TMEM156: variants seen among roughly 807,000 people sequenced by gnomAD.
TMEM156 encodes transmembrane protein 156.
Under a neutral mutation model 30.5 loss-of-function variants are expected in TMEM156, and 28 were observed. The ratio of observed to expected loss-of-function variants is 0.92; its 90% confidence interval spans 0.68 to 1.26. The LOEUF (loss-of-function observed/expected upper bound fraction) is 1.26. Ranked by LOEUF, TMEM156 falls within the 50% of genes most tolerant of loss-of-function variation. TMEM156 has a pLI of 0.00. For missense variants in TMEM156, 351 were observed against 340.6 expected, an observed-to-expected ratio of 1.03 and a Z score of -0.24; for synonymous variants, 137 against 119.9, an observed-to-expected ratio of 1.14 and a Z score of -0.93.
intron 3 of TMEM156, among the ~76,000 whole-genome samples, chr4:38,990,080 C>A (rs1384117505): frequency 6.6e-6 from 1 of 152,232 alleles, no homozygotes; most frequent in Non-Finnish European, 1.5e-5. Context: ...CAGGCGTGAG[C>A]CACTGCACCT....
At chr4:38,984,349 CTGTG>C (rs34823853) in intron 5 of TMEM156, among the ~76,000 whole-genome samples, 27,538 of 130,674 alleles carry the variant, frequency 0.21, 2,939 homozygotes, top group African/African-American at 0.31. Context: ...CTCTCTCTCT[CTGTG>C]TGTGTGTGTG....
At chr4:39,009,695 C>A (rs932248530) in intron 1 of TMEM156, among the ~76,000 whole-genome samples, 16 of 152,086 alleles carry the variant, frequency 1.1e-4, no homozygotes, top group African/African-American at 3.6e-4. Flanking sequence ...TAAAATCCAA[C>A]ATTTTTTCAT....
At chr4:39,002,739 A>G (rs1324281399) in intron 1 of TMEM156, among the ~76,000 whole-genome samples, 1 of 150,326 alleles carries the variant, frequency 6.7e-6, no homozygotes, top group African/African-American at 2.4e-5. Context: ...TTGTAGGGAC[A>G]TGGATGAAAT....
chr4:39,004,632 C>T (rs1713602732), intron 1 of TMEM156, among the ~76,000 whole-genome samples: 1 of 152,016 alleles, frequency 6.6e-6, no homozygotes, highest in South Asian at 2.1e-4. Context: ...CATGTTGATA[C>T]ATAGAGCTGT....
intron 1 of TMEM156, among the ~76,000 whole-genome samples, chr4:39,004,119 T>C (rs1713569920): frequency 6.6e-6 from 1 of 152,204 alleles, no homozygotes; most frequent in Non-Finnish European, 1.5e-5. Context: ...CTCATCTCCA[T>C]AAGCAAGGAT....
chr4:38,984,349 CTGTGTGTG>C lies in TMEM156; in HGVS notation c.823+1979_823+1986del, dbSNP rs34823853. 1.8e-3 allele frequency among the ~76,000 whole-genome samples: 230 copies of C among 131,104 alleles called. 1 individual carries two copies. The highest frequency in any genetic ancestry group is 4.3e-3 in the African/African-American group (162 of 37,394). 86.0% of individuals were successfully genotyped at this position (131,104 alleles called of 152,430 possible). A position where few individuals can be genotyped will look rare whatever the true frequency, so the allele number is the denominator to read the frequency against. ...TTTCTCTCTGTCTCTCTCTCTCTCT[CTGTGTGTG>C]TGTGTGTGTGTGTGTGTGTGTGTGT... On this transcript the variant is annotated intron_variant, in intron 5 of 6. Transcript: ENST00000381938.
intron 5 of TMEM156, among the ~76,000 whole-genome samples, chr4:38,973,950 C>A (rs1722725805): frequency 6.6e-6 from 1 of 151,874 alleles, no homozygotes. Context: ...TTAGTATAAC[C>A]AACCATTTAT....
chr4:38,985,139 CTGAG>C (rs1222305370), intron 5 of TMEM156, among the ~76,000 whole-genome samples: 1 of 152,158 alleles, frequency 6.6e-6, no homozygotes, highest in Non-Finnish European at 1.5e-5. Flanking sequence ...GACACATGTA[CTGAG>C]TAAGAGGGGA....
At chr4:39,002,215 T>G (rs925369910) in intron 1 of TMEM156, among the ~76,000 whole-genome samples, 2 of 150,390 alleles carry the variant, frequency 1.3e-5, no homozygotes, top group Non-Finnish European at 1.5e-5. Context: ...CATCAAAAAG[T>G]GGGCGAAGGA....
chr4:38,979,301 T>G (rs557452167), intron 5 of TMEM156, among the ~76,000 whole-genome samples: 1 of 152,318 alleles, frequency 6.6e-6, no homozygotes, highest in East Asian at 1.9e-4. Flanking sequence ...GTCCTGGCCT[T>G]GCCCCACACG....
Position 38,998,794 on chromosome 4 carries a change from C to T in TMEM156, c.204G>A (p.Gln68=), listed in dbSNP as rs774370453. 4.3e-6 allele frequency: 7 copies of T among 1,613,844 alleles called. No individual in the cohort carries two copies. Among genetic ancestry groups the T allele is most frequent in the South Asian group, 1.1e-5 (1 of 91,076 alleles). ...VTFLQPVRET[Q]IIMRIFLNPS... is the part of the protein sequence containing the mutation. Reference sequence around the variant, plus strand: ...GATTTAGAAAGATTCTCATGATAATCTGAGTTTCCCTTACTGGTTGCAGAA... The same window carrying T: ...GATTTAGAAAGATTCTCATGATAATTTGAGTTTCCCTTACTGGTTGCAGAA... Residue 68 remains glutamine (Q), a synonymous_variant, in exon 2 of 7, where the codon CAG becomes CAA. Coordinates refer to ENST00000381938, the MANE Select transcript of TMEM156 (RefSeq NM_024943.3).
Position 39,013,464 on chromosome 4 carries a change from G to A in TMEM156, c.89-14555C>T, listed in dbSNP as rs543366784. 4.4e-5 allele frequency among the ~76,000 whole-genome samples: 6 copies of A among 135,734 alleles called. No homozygotes were observed. The South Asian group carries it at 1.3e-3, about 29-fold the overall frequency. The allele number at this position is 135,734 out of a possible 152,430, so 89.0% of individuals were successfully genotyped here. On this transcript the variant is annotated intron_variant, in intron 1 of 6. Coordinates refer to ENST00000381938, the MANE Select transcript of TMEM156 (RefSeq NM_024943.3). ...TCGCTAGGCTGGAGTGCAGTGGCAC[G>A]ATTTCGGCTCACTGCAACTCTGCCT... is the stretch of plus-strand genomic sequence containing the variant.
chr4:38,981,261 C>T (rs1711523770), intron 5 of TMEM156, among the ~76,000 whole-genome samples: 1 of 152,144 alleles, frequency 6.6e-6, no homozygotes, highest in East Asian at 1.9e-4. Context: ...TTTTACATTG[C>T]CATTAGTTTT....
At chr4:39,020,408 C>CT (rs1012852696) in intron 1 of TMEM156, among the ~76,000 whole-genome samples, 1 of 151,842 alleles carries the variant, frequency 6.6e-6, no homozygotes, top group Non-Finnish European at 1.5e-5. Context: ...GGTAGTTCTA[C>CT]TTTTTTTTAA....
chr4:39,006,177 T>C (rs947956433), intron 1 of TMEM156, among the ~76,000 whole-genome samples: 3 of 152,234 alleles, frequency 2.0e-5, no homozygotes, highest in Admixed American at 6.5e-5. Flanking sequence ...ATTACAGGCA[T>C]GAACCACTGC....
chr4:38,999,189 T>C (rs1225433915), intron 1 of TMEM156, among the ~76,000 whole-genome samples: 1 of 151,178 alleles, frequency 6.6e-6, no homozygotes, highest in Non-Finnish European at 1.5e-5. Context: ...TAATCATAGC[T>C]TACTGCAGCC....
At chr4:39,030,747 C>T (rs7669682) in intron 1 of TMEM156, among the ~76,000 whole-genome samples, 1 of 119,348 alleles carries the variant, frequency 8.4e-6, no homozygotes, top group Non-Finnish European at 1.9e-5. Context: ...AGCTAGCTAG[C>T]TAGATAGATA....
intron 4 of TMEM156, 103 bp downstream of exon 4, chr4:38,988,748 T>A: frequency 6.9e-7 from 1 of 1,444,844 alleles, no homozygotes; most frequent in Non-Finnish European, 9.5e-7. Context: ...GAATCACCAC[T>A]TATTCACAGT....
At position 38,994,326 on chromosome 4, in the gene TMEM156, A is replaced by G. The variant is rs142234233; in HGVS notation, c.359-328T>C. ...TTTTTTGTAGAGATTGGGTCTTGCT[A>G]TGTTGTCCAGGCTGGTCTCCAACTT... On this transcript the variant is annotated intron_variant, in intron 2 of 6. Transcript: ENST00000381938. Among the ~76,000 whole-genome samples, 269 of 152,122 alleles carry G rather than the reference A, an allele frequency of 1.8e-3. 1 individual carries two copies. Among genetic ancestry groups the G allele is most frequent in the Middle Eastern group, 0.014 (4 of 294 alleles).
Sources: allele counts gnomAD v4.1 joint callset (sites outside exome capture counted in the v4.1 genomes callset), GRCh38; gene constraint gnomAD v4.1.1; transcripts MANE v1.5; gene names NCBI Gene and HGNC (gene_info 2026-07-23, HGNC 2026-07-21).